Variants in RALGPS1 observed in about 807,000 individuals in gnomAD.
RALGPS1 encodes the protein Ral GEF with PH domain and SH3 binding motif 1.
A neutral mutation model predicts 78.8 loss-of-function variants in RALGPS1; 19 were observed. That is an observed-to-expected ratio of 0.24 (90% CI 0.17 to 0.35). RALGPS1 has a LOEUF of 0.35. RALGPS1 is among the 10% of genes least tolerant of loss of function. The pLI, the probability that RALGPS1 is intolerant of heterozygous loss-of-function variation, is 1.00. For missense variants in RALGPS1, 454 were observed against 688.3 expected (o/e 0.66, Z 3.81); for synonymous variants, 228 against 256.3 (o/e 0.89, Z 1.06).
At chr9:127,106,760 G>A (rs1377988147) in intron 8 of RALGPS1, among the ~76,000 whole-genome samples, 2 of 152,186 alleles carry the variant, frequency 1.3e-5, no homozygotes, top group Non-Finnish European at 1.5e-5. Context: ...CTCTGCACTG[G>A]CCACCCTCCT....
chr9:127,027,366 C>A (rs1269591786), intron 4 of RALGPS1, among the ~76,000 whole-genome samples: 1 of 152,192 alleles, frequency 6.6e-6, no homozygotes, highest in Non-Finnish European at 1.5e-5. Context: ...GGGTTTGTCA[C>A]AGACACAGAT....
At chr9:127,095,008 C>T (rs2052946769) in intron 8 of RALGPS1, among the ~76,000 whole-genome samples, 1 of 152,206 alleles carries the variant, frequency 6.6e-6, no homozygotes, top group Non-Finnish European at 1.5e-5. Context: ...GGGCCTTTCT[C>T]ATTGATCTGA....
At chr9:127,128,854 C>T (rs188607759) in intron 8 of RALGPS1, among the ~76,000 whole-genome samples, 2 of 152,280 alleles carry the variant, frequency 1.3e-5, no homozygotes, top group East Asian at 3.9e-4. Flanking sequence ...GTGCAAAGCC[C>T]TTTGAGGACA....
At chr9:127,037,208 G>A (rs1589143495) in intron 5 of RALGPS1, among the ~76,000 whole-genome samples, 1 of 152,250 alleles carries the variant, frequency 6.6e-6, no homozygotes, top group Non-Finnish European at 1.5e-5. Flanking sequence ...GGAGCTATGA[G>A]CTGAAAGGAA....
intron 8 of RALGPS1, among the ~76,000 whole-genome samples, chr9:127,102,040 C>T (rs1028821968): frequency 2.0e-5 from 3 of 151,946 alleles, no homozygotes; most frequent in African/African-American, 7.3e-5. Context: ...CAGGGAGAGC[C>T]GAAGTTGAGG....
intron 4 of RALGPS1, among the ~76,000 whole-genome samples, chr9:127,017,383 T>C (rs2044950920): frequency 6.6e-6 from 1 of 152,140 alleles, no homozygotes; most frequent in Non-Finnish European, 1.5e-5. Flanking sequence ...AAAGGTACAA[T>C]AAAAATATAA....
intron 4 of RALGPS1, among the ~76,000 whole-genome samples, chr9:127,032,866 A>G (rs2046544342): frequency 6.6e-6 from 1 of 152,196 alleles, no homozygotes; most frequent in African/African-American, 2.4e-5. Context: ...GTGCAAATAT[A>G]TGTCATCAGA....
At chr9:127,057,790 C>T (rs1269292261) in intron 7 of RALGPS1, among the ~76,000 whole-genome samples, 3 of 152,208 alleles carry the variant, frequency 2.0e-5, no homozygotes, top group Non-Finnish European at 4.4e-5. Context: ...AGTCAAGGCC[C>T]CTGTCCTCAT....
chr9:127,106,366 A>G (rs2054216194), intron 8 of RALGPS1, among the ~76,000 whole-genome samples: 1 of 151,072 alleles, frequency 6.6e-6, no homozygotes, highest in Non-Finnish European at 1.5e-5. Flanking sequence ...CGCCAGAGCT[A>G]AAAAAGGGAC....
At chr9:127,049,539 T>G (rs2048116543) in intron 5 of RALGPS1, among the ~76,000 whole-genome samples, 1 of 152,208 alleles carries the variant, frequency 6.6e-6, no homozygotes. Flanking sequence ...AAAAATTAAA[T>G]TTGTTAAAAT....
At chr9:126,981,221 T>C (rs530828650) in intron 4 of RALGPS1, among the ~76,000 whole-genome samples, 1 of 152,348 alleles carries the variant, frequency 6.6e-6, no homozygotes, top group South Asian at 2.1e-4. Flanking sequence ...TGGATACTTT[T>C]GGATGGTATT....
At chr9:126,962,869 G>C (rs1179446597) in intron 2 of RALGPS1, among the ~76,000 whole-genome samples, 1 of 152,146 alleles carries the variant, frequency 6.6e-6, no homozygotes, top group Non-Finnish European at 1.5e-5. Flanking sequence ...GCCATTTGAG[G>C]CCCAAGATGC....
At chr9:127,170,108 G>A (rs1023017388) in intron 10 of RALGPS1, among the ~76,000 whole-genome samples, 1 of 152,060 alleles carries the variant, frequency 6.6e-6, no homozygotes, top group African/African-American at 2.4e-5. Flanking sequence ...AATTTAATTA[G>A]CCAGACTGCA....
chr9:127,018,446 G>A (rs1179060769), intron 4 of RALGPS1, among the ~76,000 whole-genome samples: 3 of 151,830 alleles, frequency 2.0e-5, no homozygotes, highest in East Asian at 3.9e-4. Context: ...CCAGCCTGCC[G>A]AACACGGTGA....
intron 13 of RALGPS1, among the ~76,000 whole-genome samples, chr9:127,197,196 G>T (rs915942717): frequency 2.6e-5 from 4 of 152,246 alleles, no homozygotes; most frequent in African/African-American, 4.8e-5. Flanking sequence ...TTGTGCTGCT[G>T]AGGCTGGGAT....
chr9:127,062,388 G>T (rs370823247), intron 7 of RALGPS1, among the ~76,000 whole-genome samples: 1 of 152,286 alleles, frequency 6.6e-6, no homozygotes, highest in African/African-American at 2.4e-5. Flanking sequence ...GTGAGCTGCC[G>T]CGCCCGGCCA....
In RALGPS1 at chr9:127,110,714, C is replaced by A. The variant is rs187832416; in HGVS notation, c.610+41358C>A. ...AAATGTCCACTCTGGTTGCTCAGGC[C>A]GAAAGTCTTGAAGTCATCCTAGACG... On this transcript the variant is annotated intron_variant, in intron 8 of 18. Coordinates refer to ENST00000259351, the MANE Select transcript of RALGPS1 (RefSeq NM_014636.3). 6.4e-4 allele frequency among the ~76,000 whole-genome samples: 97 copies of A among 152,274 alleles called. 4 individuals are homozygous for A. The highest frequency in any genetic ancestry group is 5.9e-3 in the Admixed American group (90 of 15,306).
intron 9 of RALGPS1, among the ~76,000 whole-genome samples, chr9:127,168,022 G>A (rs920652575): frequency 6.6e-6 from 1 of 152,240 alleles, no homozygotes; most frequent in Non-Finnish European, 1.5e-5. Context: ...GGTTGCCACA[G>A]TTTCTTCCTC....
Position 127,193,463 on chromosome 9 carries a change from G to T in RALGPS1, c.911-1628G>T, listed in dbSNP as rs554206056. 2.8e-4 allele frequency among the ~76,000 whole-genome samples: 43 copies of T among 152,258 alleles called. No individual in the cohort carries two copies. The South Asian group carries it at 5.0e-3, about 18-fold the overall frequency. On this transcript the variant is annotated intron_variant, in intron 11 of 18. Coordinates refer to ENST00000259351, the MANE Select transcript of RALGPS1 (RefSeq NM_014636.3). Reference sequence around the variant, plus strand: ...TGTGCAGAGTGGGGTTGGGAAGGAGGGGGGACAGCAGAGAAGACAACTCAT... The same window carrying T: ...TGTGCAGAGTGGGGTTGGGAAGGAGTGGGGACAGCAGAGAAGACAACTCAT...
Sources: gnomAD v4.1 joint callset for allele counts (sites outside exome capture counted in the v4.1 genomes callset) on GRCh38, gnomAD v4.1.1 for gene constraint, MANE v1.5 for transcripts, NCBI Gene and HGNC (gene_info 2026-07-23, HGNC 2026-07-21) for gene names.